The following ATRNL1 variants were observed in gnomAD, a reference collection of about 807,000 sequenced individuals.
ATRNL1 encodes attractin like 1.
Under a neutral mutation model 182.7 loss-of-function variants are expected in ATRNL1, and 95 were observed. The ratio of observed to expected loss-of-function variants is 0.52; its 90% CI spans 0.44 to 0.62. The LOEUF (loss-of-function observed/expected upper bound fraction) is 0.62, where lower values mean the gene tolerates loss of function less well. ATRNL1 is among the 20% of genes least tolerant of loss of function. ATRNL1 has a pLI of 0.00. For missense variants in ATRNL1, 1,471 were observed against 1,679.5 expected (o/e 0.88, Z 2.17); for synonymous variants, 576 against 568.3 (o/e 1.01, Z -0.19).
chr10:115,799,443 C>T (rs2134231347), intron 27 of ATRNL1, among the ~76,000 whole-genome samples: 1 of 152,260 alleles, frequency 6.6e-6, no homozygotes, highest in Admixed American at 6.5e-5. Flanking sequence ...TCAGACAATC[C>T]TATTTCAGGA....
chr10:115,810,930 T>C (rs946524963), intron 27 of ATRNL1, among the ~76,000 whole-genome samples: 7 of 151,934 alleles, frequency 4.6e-5, no homozygotes. Context: ...TGATATTGTC[T>C]GAGAAATAGC....
chr10:115,538,665 C>T (rs1554991142), intron 25 of ATRNL1, among the ~76,000 whole-genome samples: 1 of 152,140 alleles, frequency 6.6e-6, no homozygotes, highest in Non-Finnish European at 1.5e-5. Context: ...ATTCTCTTAA[C>T]AGTATCTTTT....
chr10:115,164,239 A>T (rs1425593519), intron 6 of ATRNL1, among the ~76,000 whole-genome samples: 1 of 152,208 alleles, frequency 6.6e-6, no homozygotes, highest in African/African-American at 2.4e-5. Flanking sequence ...TACATAATCC[A>T]ACAGTGACTT....
chr10:115,145,549 A>T (rs1369926369), intron 5 of ATRNL1, among the ~76,000 whole-genome samples: 1 of 152,210 alleles, frequency 6.6e-6, no homozygotes, highest in Non-Finnish European at 1.5e-5. Flanking sequence ...GACAAAAGTT[A>T]ATACCTGGCC....
At chr10:115,481,560 T>G (rs1848771154) in intron 24 of ATRNL1, among the ~76,000 whole-genome samples, 1 of 150,834 alleles carries the variant, frequency 6.6e-6, no homozygotes, top group South Asian at 2.1e-4. Context: ...GGCAATTGAA[T>G]TGAGATATGA....
intron 28 of ATRNL1, among the ~76,000 whole-genome samples, chr10:115,875,840 A>G (rs1311118871): frequency 6.6e-6 from 1 of 152,186 alleles, no homozygotes; most frequent in Non-Finnish European, 1.5e-5. Flanking sequence ...ATAGAGTGGC[A>G]TGGAGGTAAA....
rs545340294 is a variant in ATRNL1, at chr10:115,118,237, G to A, written c.294-1948G>A. 2.6e-5 allele frequency among the ~76,000 whole-genome samples: 4 copies of A among 152,180 alleles called. No individual in the cohort carries two copies. In the South Asian group the frequency reaches 6.2e-4, roughly 24 times the overall value. On this transcript the variant is annotated intron_variant, in intron 1 of 28. Transcript: ENST00000355044. Reference sequence around the variant, plus strand: ...CCATTTGTCCATTTTTGCTTTGGTTGTCTGTGCTTGTGGGTTATTCCTCAA... The same window carrying A: ...CCATTTGTCCATTTTTGCTTTGGTTATCTGTGCTTGTGGGTTATTCCTCAA...
At chr10:115,817,521 C>G (rs1429494423) in intron 27 of ATRNL1, among the ~76,000 whole-genome samples, 1 of 151,984 alleles carries the variant, frequency 6.6e-6, no homozygotes, top group East Asian at 1.9e-4. Flanking sequence ...CTAATAAAGC[C>G]AGATGCATAC....
intron 28 of ATRNL1, among the ~76,000 whole-genome samples, chr10:115,900,355 CTTT>C (rs1347091808): frequency 6.6e-6 from 1 of 152,132 alleles, no homozygotes; most frequent in Non-Finnish European, 1.5e-5. Context: ...AGAAAGATTT[CTTT>C]AATATAAATC....
intron 27 of ATRNL1, among the ~76,000 whole-genome samples, chr10:115,786,993 G>A (rs1170438714): frequency 6.6e-6 from 1 of 152,052 alleles, no homozygotes; most frequent in Non-Finnish European, 1.5e-5. Flanking sequence ...TACTAACTGT[G>A]GTTAAATAAT....
At chr10:115,333,361 T>C (rs1447668327) in intron 18 of ATRNL1, among the ~76,000 whole-genome samples, 1 of 152,208 alleles carries the variant, frequency 6.6e-6, no homozygotes, top group African/African-American at 2.4e-5. Context: ...TACACAGATA[T>C]ATAAACAATC....
At chr10:115,816,605 GACACACACAGACACAC>G (rs1276225776) in intron 27 of ATRNL1, among the ~76,000 whole-genome samples, 2 of 71,270 alleles carry the variant, frequency 2.8e-5, no homozygotes, top group Admixed American at 1.8e-4. Flanking sequence ...CACTTATAAG[GACACACACAGACACAC>G]ACACACACAC....
intron 27 of ATRNL1, among the ~76,000 whole-genome samples, chr10:115,844,114 G>C (rs1950874400): frequency 6.6e-6 from 1 of 152,064 alleles, no homozygotes; most frequent in Admixed American, 6.6e-5. Flanking sequence ...TACAAGTTCT[G>C]CTTTGGAACT....
chr10:115,708,302 A>AT (rs782539616), intron 26 of ATRNL1, among the ~76,000 whole-genome samples: 7 of 151,692 alleles, frequency 4.6e-5, no homozygotes, highest in African/African-American at 1.4e-4. Context: ...ATTAACTAGA[A>AT]TTTTTTGTGT....
At chr10:115,450,075 G>T (rs1378320053) in intron 21 of ATRNL1, among the ~76,000 whole-genome samples, 3 of 152,058 alleles carry the variant, frequency 2.0e-5, no homozygotes, top group Non-Finnish European at 4.4e-5. Context: ...CTCAATAGGT[G>T]CAGAAAAGGC....
chr10:115,663,645 G>A (rs546512387), intron 26 of ATRNL1, among the ~76,000 whole-genome samples: 263 of 152,066 alleles, frequency 1.7e-3, no homozygotes, highest in African/African-American at 6.0e-3. Flanking sequence ...AAATCCTATA[G>A]GAGTTTTGTT....
intron 24 of ATRNL1, among the ~76,000 whole-genome samples, chr10:115,501,187 G>A (rs1403303120): frequency 6.6e-6 from 1 of 151,986 alleles, no homozygotes; most frequent in Non-Finnish European, 1.5e-5. Flanking sequence ...ACCTGTTTTA[G>A]CCTCCCAAAG....
chr10:115,176,052 G>A (rs1847492721), intron 8 of ATRNL1, among the ~76,000 whole-genome samples: 1 of 152,130 alleles, frequency 6.6e-6, no homozygotes, highest in Non-Finnish European at 1.5e-5. Flanking sequence ...GCATTTCTCT[G>A]ATGGCCAGTG....
chr10:115,182,381 AAAC>A (rs1221304106), intron 8 of ATRNL1, among the ~76,000 whole-genome samples: 1 of 151,558 alleles, frequency 6.6e-6, no homozygotes, highest in African/African-American at 2.4e-5. Flanking sequence ...ACAAAGATAT[AAAC>A]GTTCTTACCT....
Sources: allele counts gnomAD v4.1 joint callset (sites outside exome capture counted in the v4.1 genomes callset), GRCh38; gene constraint gnomAD v4.1.1; transcripts MANE v1.5; gene names NCBI Gene and HGNC (gene_info 2026-07-23, HGNC 2026-07-21).